Variants in CGGBP1 observed in about 807,000 individuals in gnomAD.
CGGBP1 encodes the protein CGG triplet repeat-binding protein 1.
A neutral mutation model predicts 11.4 loss-of-function variants in CGGBP1; 4 were observed. The observed-to-expected ratio is 0.35, with a 90% CI of 0.17 to 0.80. The LOEUF is 0.80. CGGBP1 is among the 30% of genes least tolerant of loss of function. CGGBP1 has a pLI of 0.52. For synonymous variants in CGGBP1, 76 were observed against 74.1 expected (o/e 1.03, Z -0.13); for missense variants, 135 against 202.1 (o/e 0.67, Z 2.01).
chr3:88,068,230 G>A lies in CGGBP1; in HGVS notation c.-228-10007C>T, dbSNP rs372889698. Among the ~76,000 whole-genome samples the A allele has an allele frequency of 1.6e-4, 25 of 152,042 alleles. 1 individual carries two copies. The East Asian group carries it at 2.1e-3, about 13-fold the overall frequency. ...TTGTTCATCAGTGCTTATTTGTCTC[G>A]GTGAAGGTGTGAAAAATGAGTTACA... On this transcript the variant is annotated intron_variant, in intron 2 of 3. Transcript: ENST00000462901.
At chr3:88,140,912 T>C in intron 2 of CGGBP1, 1 of 1,613,582 alleles carries the variant, frequency 6.2e-7, no homozygotes, top group East Asian at 2.2e-5. Context: ...CTGATCAAGA[T>C]AACGTGTATA....
chr3:88,129,774 T>G (rs1706336866), intron 2 of CGGBP1: 1 of 1,527,882 alleles, frequency 6.5e-7, no homozygotes, highest in South Asian at 1.2e-5. Context: ...CTTGCAACTC[T>G]GTGAATCCTT....
intron 2 of CGGBP1, among the ~76,000 whole-genome samples, chr3:88,081,560 G>T (rs1254340797): frequency 1.3e-5 from 2 of 152,134 alleles, no homozygotes. Context: ...ATTTGTATCA[G>T]TATGGACTTA....
intron 2 of CGGBP1, among the ~76,000 whole-genome samples, chr3:88,087,043 A>G (rs989461366): frequency 1.3e-5 from 2 of 151,610 alleles, no homozygotes; most frequent in African/African-American, 4.9e-5. Context: ...TGGCCTCCCA[A>G]AGTGCTGGGA....
chr3:88,129,720 G>T, intron 2 of CGGBP1: 1 of 1,518,872 alleles, frequency 6.6e-7, no homozygotes, highest in Non-Finnish European at 8.8e-7. Context: ...GAGTGGAATT[G>T]ATATCATCTG....
chr3:88,088,659 T>C (rs1559701451), intron 2 of CGGBP1, among the ~76,000 whole-genome samples: 2 of 152,116 alleles, frequency 1.3e-5, no homozygotes. Flanking sequence ...GATTTGTATA[T>C]ATTTGAAATT....
intron 1 of CGGBP1, among the ~76,000 whole-genome samples, chr3:88,058,512 G>T (rs1019154188): frequency 3.3e-5 from 5 of 152,110 alleles, no homozygotes; most frequent in African/African-American, 1.2e-4. Context: ...TCTCTCCTCC[G>T]GCGCCAAGCC....
At chr3:88,058,374 C>T (rs1166330573) in intron 1 of CGGBP1, among the ~76,000 whole-genome samples, 151 bp from the exon 2 acceptor site, 1 of 152,240 alleles carries the variant, frequency 6.6e-6, no homozygotes, top group Non-Finnish European at 1.5e-5. Context: ...AACGTTTACC[C>T]TAACACTTCC....
At chr3:88,149,133 G>C (rs1423535206) in intron 1 of CGGBP1, among the ~76,000 whole-genome samples, 1 of 152,172 alleles carries the variant, frequency 6.6e-6, no homozygotes, top group Non-Finnish European at 1.5e-5. Flanking sequence ...TCGTAAATGT[G>C]TGTTGCTACC....
chr3:88,126,390 G>A (rs1706098449), intron 2 of CGGBP1: 4 of 1,075,120 alleles, frequency 3.7e-6, no homozygotes, highest in Middle Eastern at 3.4e-4. Flanking sequence ...TGGGAGTGAT[G>A]TATTTTCACA....
At chr3:88,135,329 C>T (rs1706709879) in intron 2 of CGGBP1, 7 of 676,760 alleles carry the variant, frequency 1.0e-5, no homozygotes, top group Non-Finnish European at 1.5e-5. Flanking sequence ...GCCACATTCT[C>T]CATACATTAC....
chr3:88,061,491 G>A (rs1258631707), upstream of CGGBP1, among the ~76,000 whole-genome samples: 1 of 152,094 alleles, frequency 6.6e-6, no homozygotes, highest in Non-Finnish European at 1.5e-5. Context: ...CTGAAACATA[G>A]TTTATTACCT....
At chr3:88,140,066 T>A (rs758971210) in intron 2 of CGGBP1, 1 of 1,613,690 alleles carries the variant, frequency 6.2e-7, no homozygotes, top group Non-Finnish European at 8.5e-7. Context: ...TTGAAGATTC[T>A]CAACATTTTA....
At chr3:88,094,720 AT>A (rs1164089700) in intron 2 of CGGBP1, among the ~76,000 whole-genome samples, 12 of 152,054 alleles carry the variant, frequency 7.9e-5, no homozygotes, top group Admixed American at 7.9e-4. Context: ...GTACATTTGA[AT>A]TTTTTTATTT....
At chr3:88,077,331 A>ATTTTT (rs372006323) in intron 2 of CGGBP1, among the ~76,000 whole-genome samples, 1 of 139,694 alleles carries the variant, frequency 7.2e-6, no homozygotes, top group African/African-American at 2.7e-5. Flanking sequence ...GCAGACTTAA[A>ATTTTT]TTGTTTTTTT....
upstream of CGGBP1, chr3:88,059,218 A>C (rs894260867): frequency 2.0e-6 from 3 of 1,479,842 alleles, no homozygotes; most frequent in South Asian, 3.9e-5. Context: ...GCTAGGGAGG[A>C]GGGAAGGGGG....
Position 88,052,770 on chromosome 3 carries a change from C to T in CGGBP1, c.*2703G>A, listed in dbSNP as rs1202532021. 6.6e-6 allele frequency: 1 copy of T among 152,530 alleles called. No individual in the cohort carries two copies. Among genetic ancestry groups the T allele is most frequent in the Non-Finnish European group, 1.5e-5 (1 of 68,012 alleles). 9.4% of individuals were successfully genotyped at this position (152,530 alleles called of 1,614,324 possible). On this transcript the variant is annotated 3_prime_UTR_variant, in exon 4 of 4. Transcript: ENST00000482016. ...TGGATAAAACAACTATATAGGCTCT[C>T]ATACACAATCTTTCTTAATTTTCAC...
At chr3:88,098,071 G>T (rs187578196) in intron 2 of CGGBP1, among the ~76,000 whole-genome samples, 16 of 152,126 alleles carry the variant, frequency 1.1e-4, no homozygotes, top group Non-Finnish European at 7.4e-5. Flanking sequence ...CAACAAAATT[G>T]ACAGACTGCT....
intron 2 of CGGBP1, among the ~76,000 whole-genome samples, chr3:88,120,914 G>T (rs534809086): frequency 1.3e-5 from 2 of 152,008 alleles, no homozygotes; most frequent in African/African-American, 2.4e-5. Context: ...TTGATGTTTG[G>T]TCATAAGTTG....
Sources: gnomAD v4.1 joint callset for allele counts (sites outside exome capture counted in the v4.1 genomes callset) on GRCh38, gnomAD v4.1.1 for gene constraint, MANE v1.5 for transcripts, NCBI Gene and HGNC (gene_info 2026-07-23, HGNC 2026-07-21) for gene names.